DPP6: variants seen among roughly 807,000 people sequenced by gnomAD.
The protein encoded by DPP6 is A-type potassium channel modulatory protein DPP6.
A neutral mutation model predicts 122.6 loss-of-function variants in DPP6; 69 were observed. That is an observed-to-expected ratio of 0.56 (90% CI 0.46 to 0.69). The LOEUF is 0.69. DPP6 is among the 30% of genes least tolerant of loss of function. DPP6 has a pLI of 0.00. For synonymous variants in DPP6, 418 were observed against 433.1 expected, an observed-to-expected ratio of 0.97 and a Z score of 0.43; for missense variants, 928 against 1,116.9, an observed-to-expected ratio of 0.83 and a Z score of 2.41.
the DPP6 span, among the ~76,000 whole-genome samples, chr7:153,851,001 T>C: frequency 4.6e-5 from 7 of 152,188 alleles, no homozygotes; most frequent in African/African-American, 1.7e-4. Context: ...AGGACAGATA[T>C]CATTTTTTTC....
the DPP6 span, among the ~76,000 whole-genome samples, chr7:153,774,222 T>A: frequency 6.6e-6 from 1 of 152,160 alleles, no homozygotes; most frequent in East Asian, 1.9e-4. Context: ...TTCCAAAGTC[T>A]GCTACAAGTC....
intron 1 of DPP6, among the ~76,000 whole-genome samples, chr7:154,320,148 A>T (rs1353268301): frequency 2.0e-5 from 3 of 152,070 alleles, no homozygotes; most frequent in African/African-American, 7.2e-5. Flanking sequence ...TCAAAAATCT[A>T]TTATTCCAAC....
intron 1 of DPP6, among the ~76,000 whole-genome samples, chr7:153,964,275 C>A (rs182504906): frequency 6.6e-6 from 1 of 152,264 alleles, no homozygotes; most frequent in Admixed American, 6.5e-5. Flanking sequence ...AGATTACAGG[C>A]GTGAGCCACT....
the DPP6 span, among the ~76,000 whole-genome samples, chr7:153,856,719 A>G: frequency 6.6e-6 from 1 of 152,192 alleles, no homozygotes; most frequent in Non-Finnish European, 1.5e-5. Flanking sequence ...CTAACTTACC[A>G]GGTAATTAAT....
chr7:154,869,004 G>A (rs773024723), intron 18 of DPP6, among the ~76,000 whole-genome samples: 7 of 152,174 alleles, frequency 4.6e-5, no homozygotes, highest in Non-Finnish European at 1.0e-4. Context: ...GGCTGTAAAC[G>A]GGTTTCCCTC....
chr7:154,213,925 A>G (rs1278240523), intron 1 of DPP6, among the ~76,000 whole-genome samples: 2 of 151,538 alleles, frequency 1.3e-5, no homozygotes, highest in African/African-American at 2.4e-5. Context: ...GACAGAATCC[A>G]CTCTCCTCCC....
intron 1 of DPP6, among the ~76,000 whole-genome samples, chr7:154,208,790 G>A (rs574477546): frequency 6.6e-6 from 1 of 151,964 alleles, no homozygotes; most frequent in South Asian, 2.1e-4. Flanking sequence ...AAATAGGGCA[G>A]CCTCAGTCTG....
intron 1 of DPP6, among the ~76,000 whole-genome samples, chr7:154,193,321 T>A (rs1172529024): frequency 6.6e-6 from 1 of 152,218 alleles, no homozygotes; most frequent in Non-Finnish European, 1.5e-5. Context: ...GTAGATAGAT[T>A]CCTATTTTCA....
the DPP6 span, among the ~76,000 whole-genome samples, chr7:153,796,816 G>A: frequency 6.6e-6 from 1 of 152,148 alleles, no homozygotes; most frequent in Admixed American, 6.5e-5. Flanking sequence ...TGGATTCCAG[G>A]AGGGTAAAAT....
chr7:153,952,462 T>C (rs749794594), intron 1 of DPP6, among the ~76,000 whole-genome samples: 3 of 152,208 alleles, frequency 2.0e-5, no homozygotes, highest in Non-Finnish European at 4.4e-5. Flanking sequence ...TTCTATCAAG[T>C]ATATGCAAAT....
intron 1 of DPP6, among the ~76,000 whole-genome samples, chr7:154,314,608 C>CA (rs1348101779): frequency 6.6e-6 from 1 of 152,228 alleles, no homozygotes; most frequent in Non-Finnish European, 1.5e-5. Context: ...AGCCCCAGGG[C>CA]ATGGGGGAGC....
intron 1 of DPP6, among the ~76,000 whole-genome samples, chr7:154,332,631 G>A (rs10262026): frequency 0.017 from 2,539 of 152,306 alleles, 70 homozygotes; most frequent in African/African-American, 0.058. Context: ...GCCTGTTAGA[G>A]TTTGAAGTTC....
rs185695905 is a variant in DPP6 at position 153,990,893 on chromosome 7, G to A, written c.51+103159G>A. Among the ~76,000 whole-genome samples the A allele has an allele frequency of 3.7e-3, 564 of 152,356 alleles. 1 individual carries two copies. Among genetic ancestry groups the A allele is most frequent in the Non-Finnish European group, 6.8e-3 (465 of 68,042 alleles). ...GTTTTGAGATTTTCTCTTATTTGCT[G>A]GAAGTCTGTTCAAATCATATGTCTC... is the stretch of plus-strand genomic sequence containing the variant. On this transcript the variant is annotated intron_variant, in intron 1 of 25. Transcript: ENST00000404039.
intron 2 of DPP6, among the ~76,000 whole-genome samples, chr7:154,447,607 C>T (rs1372096331): frequency 6.6e-6 from 1 of 151,998 alleles, no homozygotes; most frequent in Non-Finnish European, 1.5e-5. Flanking sequence ...TGATACCAAA[C>T]TAGATAAAGA....
At chr7:154,726,013 A>AC (rs1432161188) in intron 7 of DPP6, among the ~76,000 whole-genome samples, 1 of 152,196 alleles carries the variant, frequency 6.6e-6, no homozygotes, top group East Asian at 1.9e-4. Flanking sequence ...CATGACTCAT[A>AC]TCCAGTGCAT....
intron 3 of DPP6, among the ~76,000 whole-genome samples, chr7:154,480,367 C>T (rs890049433): frequency 1.3e-5 from 2 of 152,268 alleles, no homozygotes; most frequent in Non-Finnish European, 2.9e-5. Flanking sequence ...CAGCACTCTC[C>T]GAAACTCCTC....
intron 5 of DPP6, among the ~76,000 whole-genome samples, chr7:154,573,394 G>A (rs1035893229): frequency 7.2e-5 from 11 of 152,162 alleles, no homozygotes; most frequent in African/African-American, 2.7e-4. Flanking sequence ...GCAGCAGGAG[G>A]CGAGTCTCAC....
chr7:154,860,473 A>T (rs1803286488), intron 17 of DPP6, among the ~76,000 whole-genome samples: 1 of 152,228 alleles, frequency 6.6e-6, no homozygotes, highest in Non-Finnish European at 1.5e-5. Flanking sequence ...GCTGGGGGCC[A>T]TGGTGGAAAG....
intron 1 of DPP6, among the ~76,000 whole-genome samples, chr7:154,036,165 A>C (rs1476208851): frequency 2.0e-5 from 3 of 151,492 alleles, no homozygotes; most frequent in African/African-American, 7.3e-5. Flanking sequence ...GCTGGAGTAC[A>C]GTGGGTGTGA....
Sources: allele counts gnomAD v4.1 joint callset (sites outside exome capture counted in the v4.1 genomes callset), GRCh38; gene constraint gnomAD v4.1.1; transcripts MANE v1.5; gene names NCBI Gene and HGNC (gene_info 2026-07-23, HGNC 2026-07-21).